GBE1: variants seen among roughly 807,000 people sequenced by gnomAD.
GBE1 encodes the protein 1,4-alpha-glucan-branching enzyme.
A neutral mutation model predicts 88.8 loss-of-function variants in GBE1; 70 were observed. That is an observed-to-expected ratio of 0.79 (90% CI 0.65 to 0.96). The LOEUF (loss-of-function observed/expected upper bound fraction) is 0.96. Ranked by LOEUF, GBE1 falls within the 40% of genes least tolerant of loss-of-function variation. The pLI is 0.00. For synonymous variants in GBE1, 284 were observed against 300.1 expected (o/e 0.95, Z 0.56); for missense variants, 872 against 871.0 (o/e 1.00, Z -0.01).
intron 2 of GBE1, among the ~76,000 whole-genome samples, chr3:81,704,179 A>T (rs1408495398): frequency 6.6e-6 from 1 of 151,966 alleles, no homozygotes; most frequent in African/African-American, 2.4e-5. Context: ...TTTATTATTA[A>T]ATTTTACTCT....
intron 2 of GBE1, among the ~76,000 whole-genome samples, chr3:81,697,401 G>A (rs1705613649): frequency 6.6e-6 from 1 of 151,372 alleles, no homozygotes. Flanking sequence ...CCAGGTTCAA[G>A]CGATTCTCCT....
chr3:81,736,988 A>G (rs749042280), intron 1 of GBE1, among the ~76,000 whole-genome samples: 2 of 152,096 alleles, frequency 1.3e-5, no homozygotes, highest in Non-Finnish European at 2.9e-5. Context: ...GAAGGCTGGT[A>G]TTAAGTTGTA....
chr3:81,711,020 T>C (rs1258749197), intron 1 of GBE1, among the ~76,000 whole-genome samples: 1 of 152,106 alleles, frequency 6.6e-6, no homozygotes, highest in Non-Finnish European at 1.5e-5. Flanking sequence ...AGGCGATAGG[T>C]ATGAAAACAA....
At chr3:81,518,103 C>T (rs562759278) in intron 14 of GBE1, among the ~76,000 whole-genome samples, 1 of 151,390 alleles carries the variant, frequency 6.6e-6, no homozygotes, top group African/African-American at 2.4e-5. Context: ...CCCCCCAAAC[C>T]CCAATGAAGG....
At chr3:81,744,539 C>T (rs563618791) in intron 1 of GBE1, among the ~76,000 whole-genome samples, 3 of 152,288 alleles carry the variant, frequency 2.0e-5, no homozygotes, top group Non-Finnish European at 4.4e-5. Flanking sequence ...TGTCCCTTGA[C>T]TCACTCAGGA....
chr3:81,513,846 C>T (rs1473961203), intron 14 of GBE1, among the ~76,000 whole-genome samples: 1 of 151,448 alleles, frequency 6.6e-6, no homozygotes, highest in Non-Finnish European at 1.5e-5. Context: ...GAGATAATAA[C>T]CAAGAAACAA....
At chr3:81,656,478 A>AT (rs1440421996) in intron 3 of GBE1, among the ~76,000 whole-genome samples, 1 of 152,138 alleles carries the variant, frequency 6.6e-6, no homozygotes, top group Non-Finnish European at 1.5e-5. Context: ...GGTGATACTG[A>AT]TTTTTAACTT....
intron 12 of GBE1, among the ~76,000 whole-genome samples, chr3:81,550,048 T>C (rs1182042104): frequency 6.6e-6 from 1 of 151,490 alleles, no homozygotes; most frequent in Non-Finnish European, 1.5e-5. Flanking sequence ...GTCAATATTC[T>C]AACCCTGGGC....
chr3:81,645,883 G>C (rs993846355), intron 6 of GBE1, among the ~76,000 whole-genome samples: 1 of 152,068 alleles, frequency 6.6e-6, no homozygotes, highest in African/African-American at 2.4e-5. Context: ...GGACTTCTTC[G>C]GTCTGTGGTC....
At chr3:81,551,216 A>G (rs1167994879) in intron 12 of GBE1, among the ~76,000 whole-genome samples, 1 of 152,248 alleles carries the variant, frequency 6.6e-6, no homozygotes, top group Non-Finnish European at 1.5e-5. Context: ...ATCAGATAAC[A>G]TGCTTAATTG....
intron 2 of GBE1, among the ~76,000 whole-genome samples, chr3:81,704,979 G>A (rs1330727760): frequency 6.6e-6 from 1 of 152,068 alleles, no homozygotes; most frequent in African/African-American, 2.4e-5. Context: ...GAGTGATGGA[G>A]GTTACACCCC....
intron 7 of GBE1, among the ~76,000 whole-genome samples, chr3:81,635,212 A>C (rs975100022): frequency 2.0e-5 from 3 of 152,182 alleles, no homozygotes; most frequent in Admixed American, 6.6e-5. Flanking sequence ...GTAGACAAGG[A>C]ACCAAATCCT....
intron 7 of GBE1, among the ~76,000 whole-genome samples, chr3:81,637,288 A>G (rs1488385409): frequency 6.6e-6 from 1 of 152,178 alleles, no homozygotes; most frequent in Non-Finnish European, 1.5e-5. Flanking sequence ...TTAGGCTACT[A>G]TTGAAAACTA....
intron 15 of GBE1, 118 bp from the exon 16 acceptor site, chr3:81,490,581 A>C (rs1232245380): frequency 1.2e-6 from 1 of 808,734 alleles, no homozygotes; most frequent in Non-Finnish European, 2.1e-6. Flanking sequence ...AGTTACCTTT[A>C]CAATTTTACA....
chr3:81,679,229 A>G (rs1000785905), intron 2 of GBE1, among the ~76,000 whole-genome samples: 17 of 152,190 alleles, frequency 1.1e-4, no homozygotes, highest in African/African-American at 3.1e-4. Flanking sequence ...CTTGCTATCA[A>G]TTATAAAAAG....
intron 7 of GBE1, among the ~76,000 whole-genome samples, chr3:81,604,169 C>T (rs559107500): frequency 1.3e-5 from 2 of 152,078 alleles, no homozygotes; most frequent in East Asian, 1.9e-4. Flanking sequence ...CGTTAAGAAC[C>T]GTATCTTGTG....
At chr3:81,623,368 T>C (rs1263548080) in intron 7 of GBE1, among the ~76,000 whole-genome samples, 1 of 152,204 alleles carries the variant, frequency 6.6e-6, no homozygotes, top group Admixed American at 6.5e-5. Context: ...ATATCACCTT[T>C]TCAGAACGCT....
chr3:81,666,726 A>G (rs1282958192), intron 3 of GBE1, among the ~76,000 whole-genome samples: 1 of 152,246 alleles, frequency 6.6e-6, no homozygotes, highest in Non-Finnish European at 1.5e-5. Context: ...CTTCACTGCC[A>G]CAAACATATC....
intron 14 of GBE1, 115 bp from the exon 15 acceptor site, chr3:81,499,342 G>T: frequency 1.4e-6 from 1 of 711,636 alleles, no homozygotes. Flanking sequence ...CATAATTTGT[G>T]CTAAGAACTC....
Sources: allele counts gnomAD v4.1 joint callset (sites outside exome capture counted in the v4.1 genomes callset), GRCh38; gene constraint gnomAD v4.1.1; transcripts MANE v1.5; gene names NCBI Gene and HGNC (gene_info 2026-07-23, HGNC 2026-07-21).